The following MPZL1 variants were observed in gnomAD, a reference collection of about 807,000 sequenced individuals.
MPZL1 encodes the protein myelin protein zero-like protein 1.
A neutral mutation model predicts 29.3 loss-of-function variants in MPZL1; 16 were observed. The ratio of observed to expected loss-of-function variants is 0.55; its 90% CI spans 0.37 to 0.83. The LOEUF (loss-of-function observed/expected upper bound fraction) is 0.83. Ranked by LOEUF, MPZL1 falls within the 40% of genes least tolerant of loss-of-function variation. MPZL1 has a pLI of 0.00. For missense variants in MPZL1, 279 were observed against 332.9 expected (o/e 0.84, Z 1.26); for synonymous variants, 143 against 132.0 (o/e 1.08, Z -0.57).
intron 2 of MPZL1, among the ~76,000 whole-genome samples, chr1:167,769,731 G>T (rs965607356): frequency 1.3e-5 from 2 of 152,140 alleles, no homozygotes; most frequent in Non-Finnish European, 1.5e-5. Flanking sequence ...TTTGATAAAT[G>T]TTATAATAAT....
chr1:167,758,204 G>T (rs543466950), intron 1 of MPZL1, among the ~76,000 whole-genome samples: 4 of 151,826 alleles, frequency 2.6e-5, no homozygotes, highest in Admixed American at 1.3e-4. Flanking sequence ...TGCTATAAAT[G>T]GACCCAGTAG....
chr1:167,744,847 A>G (rs1470038713), intron 1 of MPZL1, among the ~76,000 whole-genome samples: 1 of 152,162 alleles, frequency 6.6e-6, no homozygotes, highest in Non-Finnish European at 1.5e-5. Flanking sequence ...TAAGATCAAA[A>G]CAGAATAATG....
rs1482446567 is a variant in MPZL1, at chr1:167,788,834, C to T, written c.*913C>T. 1 of 150,910 alleles carries T rather than the reference C, an allele frequency of 6.6e-6. No homozygotes were observed. The highest frequency in any genetic ancestry group is 6.6e-5 in the Admixed American group (1 of 15,182). The allele number at this position is 150,910 out of a possible 1,614,324, so 9.3% of individuals were successfully genotyped here. Reference sequence around the variant, plus strand: ...GAAATGGTATCATTATGTTGCCGCTCTCCAATCTCCCAGAGCTCGCTCTCT... The same window carrying T: ...GAAATGGTATCATTATGTTGCCGCTTTCCAATCTCCCAGAGCTCGCTCTCT... On this transcript the variant is annotated 3_prime_UTR_variant, in exon 6 of 6. Transcript: ENST00000359523.
At chr1:167,731,963 A>G (rs887788936) in intron 1 of MPZL1, among the ~76,000 whole-genome samples, 3 of 152,184 alleles carry the variant, frequency 2.0e-5, no homozygotes, top group Admixed American at 6.5e-5. Context: ...GTTTGATACA[A>G]ATTCTTTGGC....
intron 1 of MPZL1, among the ~76,000 whole-genome samples, chr1:167,754,187 T>C (rs1177033026): frequency 6.6e-6 from 1 of 151,774 alleles, no homozygotes; most frequent in Non-Finnish European, 1.5e-5. Context: ...TTGGTAGAGA[T>C]GGGGTTTCAC....
intron 1 of MPZL1, among the ~76,000 whole-genome samples, chr1:167,752,190 C>G (rs1402583684): frequency 2.0e-5 from 3 of 152,180 alleles, no homozygotes; most frequent in Non-Finnish European, 4.4e-5. Flanking sequence ...TATTTTGAGT[C>G]TTCTCAGTAT....
intron 1 of MPZL1, among the ~76,000 whole-genome samples, chr1:167,753,882 A>G (rs1004013403): frequency 5.9e-5 from 9 of 151,874 alleles, no homozygotes. Context: ...CACCTGCCTC[A>G]GCTTCCCAAA....
chr1:167,758,748 G>A (rs1660921436), intron 1 of MPZL1, among the ~76,000 whole-genome samples: 2 of 152,098 alleles, frequency 1.3e-5, no homozygotes, highest in Non-Finnish European at 2.9e-5. Flanking sequence ...ATACCTTTGA[G>A]CAACATGGTA....
At position 167,782,786 on chromosome 1, in the gene MPZL1, C is replaced by T. The variant is rs193285266; in HGVS notation, c.709-5034C>T. Among the ~76,000 whole-genome samples the T allele has an allele frequency of 2.1e-4, 32 of 152,120 alleles. 1 individual carries two copies. The highest frequency in any genetic ancestry group is 1.3e-3 in the Admixed American group (20 of 15,266). On this transcript the variant is annotated intron_variant, in intron 5 of 5. Coordinates refer to ENST00000359523, the MANE Select transcript of MPZL1 (RefSeq NM_003953.6). ...AAGAGGGAGGCAGAAGGGTAAGCAT[C>T]GGGGAGAGACTGGAAGATGCTATAC...
Position 167,765,779 on chromosome 1 carries a change from C to A in MPZL1, c.258+30C>A, listed in dbSNP as rs139013682. On this transcript the variant is annotated intron_variant, in intron 2 of 5. Transcript: ENST00000359523. ...GAATGCTTGACTTCTCTTGGCTAGTCCTGCCTCACAGGTTTCTTTACTGCT... is the reference window on the plus strand; with the variant it reads ...GAATGCTTGACTTCTCTTGGCTAGTACTGCCTCACAGGTTTCTTTACTGCT... 4.7e-4 allele frequency: 725 copies of A among 1,550,290 alleles called. 9 individuals are homozygous for A. In the East Asian group the frequency reaches 0.014, roughly 29 times the overall value.
Position 167,761,191 on chromosome 1 carries a change from T to A in MPZL1, c.92-4392T>A, listed in dbSNP as rs192169818. 6.7e-3 allele frequency among the ~76,000 whole-genome samples: 1,016 copies of A among 152,216 alleles called. 6 individuals are homozygous for A. The highest frequency in any genetic ancestry group is 0.017 in the Middle Eastern group (5 of 294). On this transcript the variant is annotated intron_variant, in intron 1 of 5. Coordinates refer to ENST00000359523, the MANE Select transcript of MPZL1 (RefSeq NM_003953.6). Reference sequence around the variant, plus strand: ...TGTGTACAGACAGTTCTTTCAAGATTGATAAAATAAAGGAGGACAAAGGGG... The same window carrying A: ...TGTGTACAGACAGTTCTTTCAAGATAGATAAAATAAAGGAGGACAAAGGGG...
At position 167,773,334 on chromosome 1, in the gene MPZL1, T is replaced by C; in HGVS notation, c.571T>C (p.Tyr191His). Residue 191 changes from tyrosine (Y) to histidine (H), a missense_variant, in exon 4 of 6, where the codon TAT becomes CAT. By Grantham distance (83) the Tyr-to-His change is moderately conservative (BLOSUM62 2). Transcript: ENST00000359523. ...CATCAGCATGATTCTGGCTGTCCTC[T>C]ATAGAAGGAAAAACTCTAAACGGGA... ...LLISMILAVL[Y>H]RRKNSKRDYT... The C allele has an allele frequency of 2.5e-6, 4 of 1,614,100 alleles. No homozygotes were observed. The South Asian group carries it at 3.3e-5, about 13-fold the overall frequency.
intron 1 of MPZL1, among the ~76,000 whole-genome samples, chr1:167,760,747 C>CTGTGTGTGTGTGTGTG (rs58963124): frequency 5.0e-5 from 6 of 120,106 alleles, no homozygotes; most frequent in African/African-American, 1.2e-4. Flanking sequence ...GTTGAATAGG[C>CTGTGTGTGTGTGTGTG]TGTGTGTGTG....
At position 167,736,185 on chromosome 1, in the gene MPZL1, TGCCTGTG is replaced by T. The variant is rs539904109; in HGVS notation, c.91+13947_91+13953del. On this transcript the variant is annotated intron_variant, in intron 1 of 5. Coordinates refer to ENST00000359523, the MANE Select transcript of MPZL1 (RefSeq NM_003953.6). ...CTGTCTTCTTCAAGTCTTCATCCTC[TGCCTGTG>T]GCCCCAATGTTGATTTTCCTTAGGC... Among the ~76,000 whole-genome samples, 7 of 152,322 alleles carry T rather than the reference TGCCTGTG, an allele frequency of 4.6e-5. No homozygotes were observed. In the South Asian group the frequency reaches 8.3e-4, roughly 18 times the overall value.
chr1:167,747,106 TC>T, intron 1 of MPZL1, among the ~76,000 whole-genome samples: 1 of 152,360 alleles, frequency 6.6e-6, no homozygotes, highest in South Asian at 2.1e-4. Context: ...TTCTGTTGTT[TC>T]AGCCTAATTT....
chr1:167,783,052 A>G (rs1661525973), intron 5 of MPZL1, among the ~76,000 whole-genome samples: 1 of 152,184 alleles, frequency 6.6e-6, no homozygotes. Context: ...CTTGATTGCG[A>G]ATCTGGTGGG....
At chr1:167,765,097 A>C (rs564813480) in intron 1 of MPZL1, 95 of 152,290 alleles carry the variant, frequency 6.2e-4, no homozygotes, top group African/African-American at 2.1e-3. Context: ...CAAAATCCAT[A>C]AGATCTACAA....
chr1:167,776,029 T>A, intron 4 of MPZL1, 35 bp from the exon 5 acceptor site: 1 of 1,388,348 alleles, frequency 7.2e-7, no homozygotes, highest in Non-Finnish European at 9.9e-7. Flanking sequence ...TATTATTATT[T>A]TTTACATTTG....
chr1:167,746,398 G>A (rs539914324), intron 1 of MPZL1, among the ~76,000 whole-genome samples: 1 of 152,256 alleles, frequency 6.6e-6, no homozygotes, highest in African/African-American at 2.4e-5. Flanking sequence ...GGCTGTCTTG[G>A]CATGTTAGGC....
Sources: allele counts gnomAD v4.1 joint callset (sites outside exome capture counted in the v4.1 genomes callset), GRCh38; gene constraint gnomAD v4.1.1; transcripts MANE v1.5; gene names NCBI Gene and HGNC (gene_info 2026-07-23, HGNC 2026-07-21).